ZSCAN18: variants seen among roughly 807,000 people sequenced by gnomAD.
The protein encoded by ZSCAN18 is zinc finger and SCAN domain containing 18.
ZSCAN18 carries 16 observed loss-of-function variants against 31.1 expected under a neutral mutation model. The ratio of observed to expected loss-of-function variants is 0.51; its 90% confidence interval spans 0.35 to 0.78. The LOEUF (loss-of-function observed/expected upper bound fraction) is 0.78, where lower values mean the gene tolerates loss of function less well. ZSCAN18 is among the 30% of genes least tolerant of loss of function. ZSCAN18 has a pLI of 0.01. For synonymous variants in ZSCAN18, 375 were observed against 320.7 expected (o/e 1.17, Z -1.81); for missense variants, 731 against 697.4 (o/e 1.05, Z -0.54).
In ZSCAN18 at chr19:58,086,977, T is replaced by G; in HGVS notation, c.674A>C (p.His225Pro). The G allele has an allele frequency of 6.2e-7, 1 of 1,613,820 alleles. No homozygotes were observed. Among genetic ancestry groups the G allele is most frequent in the Non-Finnish European group, 8.5e-7 (1 of 1,179,926 alleles). Residue 225 changes from histidine (H) to proline (P), a missense_variant, in exon 5 of 7, where the codon CAC (histidine) becomes CCC (proline). Physicochemically the swap from His to Pro is moderately conservative, Grantham distance 77. Transcript: ENST00000601144. Reference protein sequence around the residue: ...KLKSFPEDPQHLGEWGHLDPA... With the variant: ...KLKSFPEDPQPLGEWGHLDPA... ...GTCCAGGTGGCCCCACTCCCCCAGG[T>G]GCTGAGGGTCCTCTGGAAAGGACTT...
chr19:58,117,205 A>G (rs1657997035), intron 1 of ZSCAN18, among the ~76,000 whole-genome samples: 1 of 152,168 alleles, frequency 6.6e-6, no homozygotes, highest in South Asian at 2.1e-4. Flanking sequence ...AGGTGGACAA[A>G]GAGGATTGTG....
chr19:58,093,212 C>G (rs1362041442), intron 1 of ZSCAN18: 1 of 152,390 alleles, frequency 6.6e-6, no homozygotes, highest in Non-Finnish European at 1.5e-5. Flanking sequence ...ACCGCCTCCC[C>G]CACTGGAATG....
At chr19:58,086,327 T>A in intron 5 of ZSCAN18, 61 bp from the exon 6 acceptor site, 1 of 1,516,926 alleles carries the variant, frequency 6.6e-7, no homozygotes, top group African/African-American at 1.4e-5. Context: ...TGATGGGTGT[T>A]GTGTGTCGTG....
At chr19:58,109,218 T>G (rs764295192) in intron 1 of ZSCAN18, 42 of 1,231,596 alleles carry the variant, frequency 3.4e-5, no homozygotes, top group Non-Finnish European at 3.9e-5. Context: ...TCATCCCTGA[T>G]GAACCTTTTT....
At chr19:58,109,431 G>T in intron 1 of ZSCAN18, 1 of 1,031,724 alleles carries the variant, frequency 9.7e-7, no homozygotes, top group Non-Finnish European at 1.2e-6. Flanking sequence ...CCCATTCTGT[G>T]ACACAGCAAT....
intron 1 of ZSCAN18, among the ~76,000 whole-genome samples, chr19:58,112,277 C>T (rs1056137561): frequency 2.0e-5 from 3 of 152,148 alleles, no homozygotes; most frequent in South Asian, 2.1e-4. Flanking sequence ...TCAAGCGATA[C>T]GCCCATTTCG....
At chr19:58,118,372 C>T (rs2074751959) in exon 1 of ZSCAN18, 1 of 1,533,052 alleles carries the variant, frequency 6.5e-7, no homozygotes, top group Non-Finnish European at 8.8e-7. Flanking sequence ...GCGTCCTCGT[C>T]AGCTCGCCCT....
At chr19:58,100,557 T>C (rs2074584767), upstream of ZSCAN18, among the ~76,000 whole-genome samples, 1 of 152,130 alleles carries the variant, frequency 6.6e-6, no homozygotes, top group South Asian at 2.1e-4. Context: ...GCAAACCCTA[T>C]TCCTATTATT....
At chr19:58,104,392 CA>C (rs1248851077) in intron 1 of ZSCAN18, among the ~76,000 whole-genome samples, 2 of 128,252 alleles carry the variant, frequency 1.6e-5, no homozygotes. Flanking sequence ...CAAAACAAAA[CA>C]AAACAAAACA....
intron 5 of ZSCAN18, chr19:58,086,662 C>T (rs2074286951): frequency 1.9e-6 from 1 of 512,882 alleles, no homozygotes; most frequent in Admixed American, 3.7e-5. Context: ...CGCCTTGGGG[C>T]CAGGAGGCCT....
chr19:58,106,703 C>CAAAAAAAA (rs1225360206), intron 1 of ZSCAN18, among the ~76,000 whole-genome samples: 3 of 1,854 alleles, frequency 1.6e-3, no homozygotes, highest in East Asian at 8.2e-3. Context: ...GACTCCGTCT[C>CAAAAAAAA]AAAAAAAAAA....
Position 58,086,971 on chromosome 19 carries a change from C to T in ZSCAN18, c.680G>A (p.Gly227Glu). The change falls in exon 5 of 7, where the codon GGG (glycine) becomes GAG (glutamate). Residue 227 changes from glycine to glutamate, a missense_variant. By Grantham distance (98) the Gly-to-Glu change is moderately conservative. Transcript: ENST00000601144. Reference protein sequence around the residue: ...KSFPEDPQHLGEWGHLDPAEE... With the variant: ...KSFPEDPQHLEEWGHLDPAEE... ...GGCAGGGTCCAGGTGGCCCCACTCC[C>T]CCAGGTGCTGAGGGTCCTCTGGAAA... The T allele has an allele frequency of 6.2e-7, 1 of 1,613,928 alleles. No homozygotes were observed. Among genetic ancestry groups the T allele is most frequent in the East Asian group, 2.2e-5 (1 of 44,874 alleles).
rs759479921 is a variant in ZSCAN18 at position 58,090,400 on chromosome 19, G to A, written c.-119-14C>T. On this transcript the variant is annotated splice_polypyrimidine_tract_variant and intron_variant, in intron 1 of 6. Coordinates refer to ENST00000601144, the MANE Select transcript of ZSCAN18 (RefSeq NM_001145543.2). The surrounding 1 kb of genome is among the most constrained non-coding windows in gnomAD (Gnocchi z 4.7). ...GAACCCACAGACCTGCAGAGGACAC[G>A]GACAAGGCAATGGCCTTGCATAAGG... 6.7e-5 allele frequency: 101 copies of A among 1,518,484 alleles called. No homozygotes were observed. Among genetic ancestry groups the A allele is most frequent in the Middle Eastern group, 3.5e-4 (2 of 5,734 alleles). The allele number at this position is 1,518,484 out of a possible 1,614,324, so 94.1% of individuals were successfully genotyped here.
At chr19:58,101,874 T>C (rs985338501), upstream of ZSCAN18, among the ~76,000 whole-genome samples, 1 of 151,996 alleles carries the variant, frequency 6.6e-6, no homozygotes, top group Admixed American at 6.6e-5. Flanking sequence ...ATGCTGCTAA[T>C]ATTTACATGG....
chr19:58,098,488 G>A (rs2074564587), upstream of ZSCAN18: 1 of 612,618 alleles, frequency 1.6e-6, no homozygotes, highest in Non-Finnish European at 2.0e-6. Flanking sequence ...AAACAAAGAC[G>A]GTGAGAAACG....
At chr19:58,089,638 T>C (rs2074369761) in intron 2 of ZSCAN18, among the ~76,000 whole-genome samples, 1 of 152,102 alleles carries the variant, frequency 6.6e-6, no homozygotes, top group Non-Finnish European at 1.5e-5. Context: ...AATAAATAAA[T>C]AAATAAATAA....
Position 58,083,857 on chromosome 19 carries a change from T to A in ZSCAN18, c.*828A>T, listed in dbSNP as rs1027781341. On this transcript the variant is annotated 3_prime_UTR_variant, in exon 7 of 7. Transcript: ENST00000601144. ...GATCACCTTATGTAGCCCAAGGAGT[T>A]TAGTCTCCTTTGCTCAGACAGACAG... is the stretch of plus-strand genomic sequence containing the variant. 3 of 152,226 alleles carry A rather than the reference T, an allele frequency of 2.0e-5. No individual in the cohort carries two copies. The highest frequency in any genetic ancestry group is 6.5e-5 in the Admixed American group (1 of 15,280). 9.4% of individuals were successfully genotyped at this position (152,226 alleles called of 1,614,324 possible).
At position 58,085,042 on chromosome 19, in the gene ZSCAN18, T is replaced by G; in HGVS notation, c.1176A>C (p.Ala392=). The G allele has an allele frequency of 6.3e-7, 1 of 1,595,530 alleles. No individual in the cohort carries two copies. The highest frequency in any genetic ancestry group is 8.5e-7 in the Non-Finnish European group (1 of 1,170,430). ...LEGVSSSGDS[A]GLEAGQGPGA... ...CAGGGCCCTGCCCGGCCTCCAGCCC[T>G]GCGCTGTCGCCGGAGCTAGAGACGC... Residue 392 remains alanine, a synonymous_variant, in exon 7 of 7, where the codon GCA becomes GCC. Transcript: ENST00000601144.
chr19:58,095,525 A>G (rs942153356), intron 1 of ZSCAN18, among the ~76,000 whole-genome samples: 1 of 152,106 alleles, frequency 6.6e-6, no homozygotes, highest in African/African-American at 2.4e-5. Flanking sequence ...TCTAGCCCTC[A>G]TGGCCTCCAC....
Sources: gnomAD v4.1 joint callset for allele counts (sites outside exome capture counted in the v4.1 genomes callset) on GRCh38, gnomAD v4.1.1 for gene constraint, Gnocchi (gnomAD v3.1) non-coding constraint, MANE v1.5 for transcripts, NCBI Gene and HGNC (gene_info 2026-07-23, HGNC 2026-07-21) for gene names.